RPS23: variants seen among roughly 807,000 people sequenced by gnomAD.
RPS23 encodes the protein small ribosomal subunit protein uS12.
For synonymous variants in RPS23, 66 were observed against 60.4 expected, an observed-to-expected ratio of 1.09 and a Z score of -0.43; for missense variants, 73 against 174.5, an observed-to-expected ratio of 0.42 and a Z score of 3.28.
chr5:82,277,574 CAATGCCCA>C (rs1371721637), intron 2 of RPS23, 111 bp downstream of exon 2: 1 of 1,024,232 alleles, frequency 9.8e-7, no homozygotes, highest in Non-Finnish European at 1.5e-6. Flanking sequence ...TTTTACCCCA[CAATGCCCA>C]AATGAATACT....
Position 82,277,866 on chromosome 5 carries a change from A to G in RPS23, c.5-14T>C. ...CACGACACTTGCCTAAAAATTAAATATTTTAGTTCTTCCGTAAAAACACGC... is the reference window on the plus strand; with the variant it reads ...CACGACACTTGCCTAAAAATTAAATGTTTTAGTTCTTCCGTAAAAACACGC... On this transcript the variant is annotated splice_polypyrimidine_tract_variant and intron_variant, in intron 1 of 3. Coordinates refer to ENST00000296674, the MANE Select transcript of RPS23 (RefSeq NM_001025.5). 9 of 1,609,214 alleles carry G rather than the reference A, an allele frequency of 5.6e-6. No homozygotes were observed. The highest frequency in any genetic ancestry group is 7.6e-6 in the Non-Finnish European group (9 of 1,177,556).
chr5:82,277,556 CT>C (rs1747911698), intron 2 of RPS23, 136 bp downstream of exon 2: 1 of 874,226 alleles, frequency 1.1e-6, no homozygotes, highest in Non-Finnish European at 1.9e-6. Flanking sequence ...AGAACAAACG[CT>C]TTGCAATTTT....
In RPS23 at chr5:82,274,499, G is replaced by C. The variant is rs1034582972; in HGVS notation, c.*1610C>G. On this transcript the variant is annotated 3_prime_UTR_variant, in exon 4 of 4. Coordinates refer to ENST00000296674, the MANE Select transcript of RPS23 (RefSeq NM_001025.5). ...GTGTCTTGACGTATCAGAGAAGGCAGGTAACCAGGCCACATCCCTGGGCGC... is the reference window on the plus strand; with the variant it reads ...GTGTCTTGACGTATCAGAGAAGGCACGTAACCAGGCCACATCCCTGGGCGC... The C allele has an allele frequency of 3.3e-5, 5 of 152,536 alleles. No individual in the cohort carries two copies. Among genetic ancestry groups the C allele is most frequent in the Admixed American group, 6.5e-5 (1 of 15,292 alleles). The allele number at this position is 152,536 out of a possible 1,614,324, so 9.4% of individuals were successfully genotyped here. A position where few individuals can be genotyped will look rare whatever the true frequency, so the allele number is the denominator to read the frequency against.
chr5:82,277,614 A>T, intron 2 of RPS23, 79 bp downstream of exon 2: 1 of 1,414,974 alleles, frequency 7.1e-7, no homozygotes, highest in Non-Finnish European at 1.0e-6. Context: ...ACCTGCAATT[A>T]CTTTCAAAAC....
Position 82,277,769 on chromosome 5 carries a change from C to T in RPS23, c.88G>A (p.Ala30Thr). ...GCCTTTAGGGCTGTGCCCAAATGAG[C>T]TTTCTTATACTGTTTATCATGCCAC... ...QKWHDKQYKK[A>T]HLGTALKANP... Residue 30 changes from alanine to threonine, a missense_variant, in exon 2 of 4, where the codon GCT becomes ACT. By Grantham distance (58) the Ala-to-Thr change is moderately conservative. Coordinates refer to ENST00000296674, the MANE Select transcript of RPS23 (RefSeq NM_001025.5). The T allele has an allele frequency of 1.9e-6, 3 of 1,613,972 alleles. No homozygotes were observed. The highest frequency in any genetic ancestry group is 2.5e-6 in the Non-Finnish European group (3 of 1,179,838).
At position 82,274,593 on chromosome 5, in the gene RPS23, A is replaced by G; in HGVS notation, c.*1516T>C. ...CACAAGGGCCCCACCGCCCGGGGAG[A>G]GCTGCCCACCCCGCGCCTGACGCCC... On this transcript the variant is annotated 3_prime_UTR_variant, in exon 4 of 4. Coordinates refer to ENST00000296674, the MANE Select transcript of RPS23 (RefSeq NM_001025.5). 6.5e-6 allele frequency: 1 copy of G among 152,726 alleles called. No homozygotes were observed. Among genetic ancestry groups the G allele is most frequent in the East Asian group, 1.9e-4 (1 of 5,188 alleles). The allele number at this position is 152,726 out of a possible 1,614,324, so 9.5% of individuals were successfully genotyped here. A position where few individuals can be genotyped will look rare whatever the true frequency, so the allele number is the denominator to read the frequency against.
At position 82,276,455 on chromosome 5, in the gene RPS23, C is replaced by T; in HGVS notation, c.228G>A (p.Lys76=). 6.2e-7 allele frequency: 1 copy of T among 1,613,996 alleles called. No homozygotes were observed. The highest frequency in any genetic ancestry group is 8.5e-7 in the Non-Finnish European group (1 of 1,179,894). ...CAAAGGCTGTGATTTTCTTGCCATT[C>T]TTGATCAGCTGGACCCTTACACACT... ...IRKCVRVQLI[K]NGKKITAFVP... is the part of the protein sequence containing the mutation. Residue 76 remains lysine (K), a synonymous_variant, in exon 3 of 4, where the codon AAG becomes AAA. Transcript: ENST00000296674.
Position 82,275,969 on chromosome 5 carries a change from T to C in RPS23, c.*140A>G, listed in dbSNP as rs547411070. On this transcript the variant is annotated 3_prime_UTR_variant, in exon 4 of 4. Coordinates refer to ENST00000296674, the MANE Select transcript of RPS23 (RefSeq NM_001025.5). ...CTAAAATTGGTACAGGTCCTGCGTT[T>C]GCTGGTTTAGGATAAAAAAAATAAG... The C allele has an allele frequency of 4.0e-6, 3 of 752,060 alleles. No individual in the cohort carries two copies. Among genetic ancestry groups the C allele is most frequent in the African/African-American group, 1.8e-5 (1 of 56,744 alleles). The allele number at this position is 752,060 out of a possible 1,614,324, so 46.6% of individuals were successfully genotyped here. A position where few individuals can be genotyped will look rare whatever the true frequency, so the allele number is the denominator to read the frequency against.
intron 2 of RPS23, chr5:82,277,413 A>T: frequency 2.3e-6 from 1 of 440,912 alleles, no homozygotes; most frequent in Non-Finnish European, 4.1e-6. Flanking sequence ...TACTTATAAC[A>T]ACTCCCACAG....
In RPS23 at chr5:82,277,864, A is replaced by C; in HGVS notation, c.5-12T>G. 1 of 1,610,162 alleles carries C rather than the reference A, an allele frequency of 6.2e-7. No homozygotes were observed. Among genetic ancestry groups the C allele is most frequent in the African/African-American group, 1.3e-5 (1 of 74,652 alleles). On this transcript the variant is annotated splice_polypyrimidine_tract_variant and intron_variant, in intron 1 of 3. Transcript: ENST00000296674. ...TCCACGACACTTGCCTAAAAATTAAATATTTTAGTTCTTCCGTAAAAACAC... is the reference window on the plus strand; with the variant it reads ...TCCACGACACTTGCCTAAAAATTAACTATTTTAGTTCTTCCGTAAAAACAC...
chr5:82,278,348 G>T lies in RPS23; in HGVS notation c.-25C>A. 1 of 1,606,662 alleles carries T rather than the reference G, an allele frequency of 6.2e-7. No homozygotes were observed. The highest frequency in any genetic ancestry group is 8.5e-7 in the Non-Finnish European group (1 of 1,177,204). On this transcript the variant is annotated 5_prime_UTR_variant, in exon 1 of 4. Transcript: ENST00000296674. ...TCCTGTCGGCGCCACGGGCCTGAGC[G>T]AAAGAGAGAAGCACCGCAGGAAGGA...
In RPS23 at chr5:82,278,302, C is replaced by A. The variant is rs771274728; in HGVS notation, c.4+18G>T. The A allele has an allele frequency of 2.5e-6, 4 of 1,568,758 alleles. No homozygotes were observed. The African/African-American group carries it at 5.4e-5, about 21-fold the overall frequency. On this transcript the variant is annotated intron_variant, in intron 1 of 3. Transcript: ENST00000296674. ...AAGTCCCGCTTGCAGCGCCCTTAAA[C>A]CGGCCACAACAGCTCACCCATCCTG...
Position 82,275,010 on chromosome 5 carries a change from G to C in RPS23, c.*1099C>G. The stretch of plus-strand genomic sequence containing the variant: ...ACCAACTGAGACCAGTGTTGCTGGA[G>C]CACAAAGTGCCAAGGAGAGAAATGG... On this transcript the variant is annotated 3_prime_UTR_variant, in exon 4 of 4. Coordinates refer to ENST00000296674, the MANE Select transcript of RPS23 (RefSeq NM_001025.5). 1.8e-6 allele frequency: 1 copy of C among 550,150 alleles called. No homozygotes were observed. Among genetic ancestry groups the C allele is most frequent in the South Asian group, 2.3e-5 (1 of 42,904 alleles). 34.1% of individuals were successfully genotyped at this position (550,150 alleles called of 1,614,324 possible).
intron 1 of RPS23, 189 bp downstream of exon 1, chr5:82,278,131 C>T: frequency 2.6e-6 from 2 of 760,774 alleles, no homozygotes; most frequent in East Asian, 2.7e-5. Context: ...ACCCCGACCT[C>T]GGCGGCCTCC....
Position 82,278,343 on chromosome 5 carries a change from T to A in RPS23, c.-20A>T. 1 of 1,607,704 alleles carries A rather than the reference T, an allele frequency of 6.2e-7. No homozygotes were observed. The highest frequency in any genetic ancestry group is 1.1e-5 in the South Asian group (1 of 89,914). ...ACCCATCCTGTCGGCGCCACGGGCC[T>A]GAGCGAAAGAGAGAAGCACCGCAGG... On this transcript the variant is annotated 5_prime_UTR_variant, in exon 1 of 4. Coordinates refer to ENST00000296674, the MANE Select transcript of RPS23 (RefSeq NM_001025.5).
rs1336460883 is a variant in RPS23 at position 82,275,128 on chromosome 5, CAACCA to C, written c.*976_*980del. On this transcript the variant is annotated 3_prime_UTR_variant, in exon 4 of 4. Coordinates refer to ENST00000296674, the MANE Select transcript of RPS23 (RefSeq NM_001025.5). ...TGCTCTTGATCCTACGGAAAGTGGG[CAACCA>C]AACCAATTGTTTTCCAAAGATCCTA... 1.5e-6 allele frequency: 1 copy of C among 673,970 alleles called. No homozygotes were observed. Among genetic ancestry groups the C allele is most frequent in the African/African-American group, 1.8e-5 (1 of 56,266 alleles). 41.7% of individuals were successfully genotyped at this position (673,970 alleles called of 1,614,324 possible).
intron 1 of RPS23, 105 bp downstream of exon 1, chr5:82,278,209 CATGGAG>C: frequency 1.9e-6 from 2 of 1,056,384 alleles, no homozygotes; most frequent in Non-Finnish European, 2.8e-6. Flanking sequence ...GGCCCTCCCC[CATGGAG>C]CCTCTCCATG....
chr5:82,278,117 C>CG, intron 1 of RPS23: 1 of 714,538 alleles, frequency 1.4e-6, no homozygotes, highest in Non-Finnish European at 2.3e-6. Context: ...CTGCGTCCCT[C>CG]GGTACCCCGA....
intron 2 of RPS23, 177 bp downstream of exon 2, chr5:82,277,515 TC>T (rs1220612847): frequency 1.5e-6 from 1 of 673,946 alleles, no homozygotes. Context: ...ACTACCTAAT[TC>T]CCAAAAACTA....
Sources: allele counts gnomAD v4.1 joint callset, GRCh38; gene constraint gnomAD v4.1.1; transcripts MANE v1.5; gene names NCBI Gene and HGNC (gene_info 2026-07-23, HGNC 2026-07-21).